The following EXOC1L variants were observed in gnomAD, a reference collection of about 807,000 sequenced individuals.
EXOC1L encodes exocyst complex component 1-like.
A neutral mutation model predicts 4.9 loss-of-function variants in EXOC1L; 10 were observed. The observed-to-expected ratio is 2.02, with a 90% CI of 1.25 to 3.43. EXOC1L has a LOEUF of 3.43. Ranked by LOEUF, EXOC1L falls within the 30% of genes most tolerant of loss-of-function variation. The pLI is 0.00. For missense variants in EXOC1L, 114 were observed against 59.4 expected (o/e 1.92, Z -3.02); for synonymous variants, 41 against 20.8 (o/e 1.97, Z -2.63).
intron 1 of EXOC1L, among the ~76,000 whole-genome samples, chr4:55,821,508 C>G (rs1442096252): frequency 6.6e-6 from 1 of 152,010 alleles, no homozygotes. Flanking sequence ...GCTGATTTCT[C>G]ATTGGTAACA....
chr4:55,827,351 T>G (rs1326906122), intron 1 of EXOC1L, among the ~76,000 whole-genome samples: 1 of 152,172 alleles, frequency 6.6e-6, no homozygotes, highest in Non-Finnish European at 1.5e-5. Flanking sequence ...AGGTTACCTC[T>G]CTCAGGAAGC....
At chr4:55,824,299 A>ACAAACACAAAATGCATT (rs1484213198) in intron 1 of EXOC1L, among the ~76,000 whole-genome samples, 9 of 151,942 alleles carry the variant, frequency 5.9e-5, no homozygotes, top group Admixed American at 3.3e-4. Flanking sequence ...ACACACACAC[A>ACAAACACAAAATGCATT]CAAACACAAA....
Position 55,819,898 on chromosome 4 carries a change from G to A in EXOC1L, c.-129G>A, listed in dbSNP as rs890850310. 1.5e-5 allele frequency: 6 copies of A among 390,204 alleles called. No homozygotes were observed. In the Admixed American group the frequency reaches 1.8e-4, roughly 12 times the overall value. 24.2% of individuals were successfully genotyped at this position (390,204 alleles called of 1,614,324 possible). On this transcript the variant is annotated 5_prime_UTR_variant, in exon 1 of 3. Coordinates refer to ENST00000636125, the MANE Select transcript of EXOC1L (RefSeq NM_001351574.3). ...GCTCTGGCTAGGAATGAGAAGTTAA[G>A]AGAGGGAGGGCTGAGAGGTGGGCAG...
chr4:55,824,273 T>A (rs74786886), intron 1 of EXOC1L, among the ~76,000 whole-genome samples: 9,879 of 147,064 alleles, frequency 0.067, 399 homozygotes, highest in East Asian at 0.15. Flanking sequence ...TCTCTCTCTC[T>A]CACACACACA....
chr4:55,822,378 C>A (rs751003677), intron 1 of EXOC1L, among the ~76,000 whole-genome samples: 4 of 152,148 alleles, frequency 2.6e-5, no homozygotes, highest in Non-Finnish European at 4.4e-5. Flanking sequence ...GCAGCCCACT[C>A]CCACCTTAGG....
chr4:55,823,045 T>C (rs1392466685), intron 1 of EXOC1L, among the ~76,000 whole-genome samples: 4 of 151,598 alleles, frequency 2.6e-5, no homozygotes, highest in Non-Finnish European at 5.9e-5. Context: ...TTTAAAATTA[T>C]ATGTATATTC....
intron 1 of EXOC1L, among the ~76,000 whole-genome samples, chr4:55,830,541 A>C (rs563746933): frequency 5.6e-4 from 86 of 152,246 alleles, no homozygotes; most frequent in Non-Finnish European, 1.0e-3. Context: ...ACTCATTGAT[A>C]ATTTTCAACT....
In EXOC1L at chr4:55,820,150, A is replaced by C. The variant is rs1719703758; in HGVS notation, c.121+3A>C. On this transcript the variant is annotated splice_donor_region_variant and intron_variant, in intron 1 of 2. Coordinates refer to ENST00000636125, the MANE Select transcript of EXOC1L (RefSeq NM_001351574.3). ...CAGGTATTACCTCTGTGTGTCAGGT[A>C]ATCTGTTCCTTCTGTTATCATTTCA... is the stretch of plus-strand genomic sequence containing the variant. 1 of 398,780 alleles carries C rather than the reference A, an allele frequency of 2.5e-6. No individual in the cohort carries two copies. Among genetic ancestry groups the C allele is most frequent in the South Asian group, 1.3e-4 (1 of 7,852 alleles). The allele number at this position is 398,780 out of a possible 1,614,324, so 24.7% of individuals were successfully genotyped here. A position where few individuals can be genotyped will look rare whatever the true frequency, so the allele number is the denominator to read the frequency against.
intron 1 of EXOC1L, among the ~76,000 whole-genome samples, chr4:55,822,513 A>G (rs1719773926): frequency 6.6e-6 from 1 of 152,220 alleles, no homozygotes. Flanking sequence ...CTAGAAAGGA[A>G]TAAGTCACAT....
intron 1 of EXOC1L, among the ~76,000 whole-genome samples, chr4:55,820,797 T>C (rs1719719546): frequency 6.6e-6 from 1 of 152,200 alleles, no homozygotes; most frequent in African/African-American, 2.4e-5. Context: ...AATAAAGATT[T>C]TTACCCTCAT....
rs1016703479 is a variant in EXOC1L, at chr4:55,820,125, C to A, written c.99C>A (p.Asp33Glu). The change falls in exon 1 of 3, where the codon GAC becomes GAA. Residue 33 changes from aspartate to glutamate, a missense_variant. Asp to Glu is a conservative substitution (Grantham distance 45). Coordinates refer to ENST00000636125, the MANE Select transcript of EXOC1L (RefSeq NM_001351574.3). Reference protein sequence around the residue: ...EFIEIEFSVQDRYYLCVSVTK... With the variant: ...EFIEIEFSVQERYYLCVSVTK... ...TTGAAATAGAGTTCTCCGTCCAGGA[C>A]AGGTATTACCTCTGTGTGTCAGGTA... 1 of 398,852 alleles carries A rather than the reference C, an allele frequency of 2.5e-6. No homozygotes were observed. Among genetic ancestry groups the A allele is most frequent in the East Asian group, 3.6e-5 (1 of 28,086 alleles). 24.7% of individuals were successfully genotyped at this position (398,852 alleles called of 1,614,324 possible).
In EXOC1L at chr4:55,837,300, C is replaced by G; in HGVS notation, c.468C>G (p.Cys156Trp). 1 of 673,016 alleles carries G rather than the reference C, an allele frequency of 1.5e-6. No individual in the cohort carries two copies. The highest frequency in any genetic ancestry group is 1.6e-5 in the South Asian group (1 of 62,834). 41.7% of individuals were successfully genotyped at this position (673,016 alleles called of 1,614,324 possible). A position where few individuals can be genotyped will look rare whatever the true frequency, so the allele number is the denominator to read the frequency against. The change falls in exon 3 of 3, where the codon TGC becomes TGG. Residue 156 changes from cysteine (C) to tryptophan (W), a missense_variant. Cys to Trp is a radical substitution (Grantham distance 215). Transcript: ENST00000636125. Reference protein sequence around the residue: ...NKDCLVLMRICFYAFNLVCLS... With the variant: ...NKDCLVLMRIWFYAFNLVCLS... ...ATTGTTTGGTCCTTATGAGAATATG[C>G]TTTTACGCTTTCAATCTTGTGTGCT...
intron 1 of EXOC1L, 97 bp downstream of exon 1, chr4:55,820,244 A>G (rs1336046278): frequency 2.5e-6 from 1 of 393,180 alleles, no homozygotes; most frequent in Non-Finnish European, 4.5e-6. Context: ...ATTTTCCTAT[A>G]TAGCACGTGT....
chr4:55,832,516 T>C (rs1347510968), intron 2 of EXOC1L, among the ~76,000 whole-genome samples: 1 of 152,010 alleles, frequency 6.6e-6, no homozygotes, highest in Non-Finnish European at 1.5e-5. Context: ...TATGTACCTC[T>C]AGATCATTGA....
At chr4:55,820,476 A>G (rs1030328033) in intron 1 of EXOC1L, among the ~76,000 whole-genome samples, 2 of 152,202 alleles carry the variant, frequency 1.3e-5, no homozygotes, top group African/African-American at 4.8e-5. Context: ...GCAAGAGCTC[A>G]TTTTTAAAAA....
chr4:55,831,386 T>C lies in EXOC1L; in HGVS notation c.174T>C (p.Gly58=), dbSNP rs1379187021. ...TCATGGTGAAACACTACAGAATAGG[T>C]TTAGATGAAAAATATGAAGTAACAA... ...KIVMVKHYRI[G]LDEKYEVTKK... Residue 58 remains glycine (G), a synonymous_variant, in exon 2 of 3, where the codon GGT becomes GGC. Coordinates refer to ENST00000636125, the MANE Select transcript of EXOC1L (RefSeq NM_001351574.3). 1.3e-5 allele frequency: 9 copies of C among 693,126 alleles called. No individual in the cohort carries two copies. Among genetic ancestry groups the C allele is most frequent in the East Asian group, 2.7e-5 (1 of 36,630 alleles). The allele number at this position is 693,126 out of a possible 1,614,324, so 42.9% of individuals were successfully genotyped here.
rs1250461085 is a variant in EXOC1L, at chr4:55,837,327, G to C, written c.495G>C (p.Leu165Phe). Reference protein sequence around the residue: ...ICFYAFNLVCLSLCPLPL With the variant: ...ICFYAFNLVCFSLCPLPL ...TTTACGCTTTCAATCTTGTGTGCTT[G>C]TCCCTATGTCCCTTGCCACTCTGAA... The change falls in exon 3 of 3, where the codon TTG becomes TTC. Residue 165 changes from leucine to phenylalanine, a missense_variant. Physicochemically the swap from Leu to Phe is conservative, Grantham distance 22 (BLOSUM62 0). Transcript: ENST00000636125. 4.8e-6 allele frequency: 3 copies of C among 623,690 alleles called. No homozygotes were observed. The highest frequency in any genetic ancestry group is 3.8e-5 in the South Asian group (2 of 53,288). The allele number at this position is 623,690 out of a possible 1,614,324, so 38.6% of individuals were successfully genotyped here.
At chr4:55,823,853 T>A (rs79199730) in intron 1 of EXOC1L, among the ~76,000 whole-genome samples, 2,121 of 152,260 alleles carry the variant, frequency 0.014, 53 homozygotes, top group African/African-American at 0.048. Context: ...TAATTTAATA[T>A]CTTCCCTTTT....
At chr4:55,836,638 G>A (rs1408803131) in intron 2 of EXOC1L, among the ~76,000 whole-genome samples, 1 of 151,942 alleles carries the variant, frequency 6.6e-6, no homozygotes, top group Non-Finnish European at 1.5e-5. Flanking sequence ...TTGGTGATCT[G>A]TAGCATGCCA....
Sources: gnomAD v4.1 joint callset for allele counts (sites outside exome capture counted in the v4.1 genomes callset) on GRCh38, gnomAD v4.1.1 for gene constraint, MANE v1.5 for transcripts, NCBI Gene and HGNC (gene_info 2026-07-23, HGNC 2026-07-21) for gene names.